PAQR3: variants seen among roughly 807,000 people sequenced by gnomAD.
PAQR3 encodes progestin and adipoQ receptor family member 3, also known as Raf kinase trapping to Golgi.
PAQR3 carries 39 observed loss-of-function variants against 41.7 expected under a neutral mutation model. The ratio of observed to expected loss-of-function variants is 0.93; its 90% CI spans 0.72 to 1.22. PAQR3 has a LOEUF of 1.22. Ranked by LOEUF, PAQR3 falls within the 50% of genes most tolerant of loss-of-function variation. The probability of loss-of-function intolerance (pLI) is 0.00; values close to 1 mark genes in which losing one functional copy is unlikely to be tolerated. For synonymous variants in PAQR3, 140 were observed against 140.6 expected (o/e 1.00, Z 0.03); for missense variants, 366 against 385.6 (o/e 0.95, Z 0.42).
intron 12 of PAQR3, among the ~76,000 whole-genome samples, chr4:78,887,894 A>G (rs1733186670): frequency 6.6e-6 from 1 of 152,206 alleles, no homozygotes; most frequent in South Asian, 2.1e-4. Flanking sequence ...TGGCAAAGGG[A>G]AATATGTTAG....
intron 1 of PAQR3, among the ~76,000 whole-genome samples, chr4:78,938,012 A>C (rs1448884311): frequency 6.6e-6 from 1 of 152,250 alleles, no homozygotes; most frequent in Non-Finnish European, 1.5e-5. Context: ...CAAGCCAAGT[A>C]GGGATGGGCA....
intron 11 of PAQR3, among the ~76,000 whole-genome samples, chr4:78,901,022 T>C (rs1338637590): frequency 6.6e-6 from 1 of 152,106 alleles, no homozygotes; most frequent in Non-Finnish European, 1.5e-5. Flanking sequence ...AGATTAACCA[T>C]TTGATATTGA....
In PAQR3 at chr4:78,931,185, T is replaced by TTAAAAA. The variant is rs35748488; in HGVS notation, c.349-861_349-860insTTTTTA. 2.1e-4 allele frequency among the ~76,000 whole-genome samples: 24 copies of TTAAAAA among 115,062 alleles called. 1 individual carries two copies. The highest frequency in any genetic ancestry group is 5.1e-5 in the Non-Finnish European group (3 of 59,318). 75.5% of individuals were successfully genotyped at this position (115,062 alleles called of 152,430 possible). The stretch of plus-strand genomic sequence containing the variant: ...GGCAACATAGGGAGACCTCATTTCT[T>TTAAAAA]AAAAAAAAAAAAAAAAAAAAAAAAA... On this transcript the variant is annotated intron_variant, in intron 2 of 5. Transcript: ENST00000512733.
intron 2 of PAQR3, 88 bp from the exon 3 acceptor site, chr4:78,930,413 G>A: frequency 7.4e-7 from 1 of 1,350,514 alleles, no homozygotes; most frequent in African/African-American, 1.5e-5. Flanking sequence ...TAAGAGGCTA[G>A]GCTTTCAATT....
At chr4:78,922,028 G>T (rs933761456) in intron 5 of PAQR3, 4 of 1,017,206 alleles carry the variant, frequency 3.9e-6, no homozygotes, top group Middle Eastern at 1.0e-3. Flanking sequence ...ACCCACTATG[G>T]TCATAATCAC....
Position 78,919,765 on chromosome 4 carries a change from T to A in PAQR3, c.*774A>T. The A allele has an allele frequency of 1.0e-6, 1 of 984,462 alleles. No homozygotes were observed. 61.0% of individuals were successfully genotyped at this position (984,462 alleles called of 1,614,324 possible). On this transcript the variant is annotated 3_prime_UTR_variant, in exon 6 of 6. Transcript: ENST00000512733. The stretch of plus-strand genomic sequence containing the variant: ...CACTCACAAGAATTCAGTTATTATA[T>A]GGAATTAAATAATATCTGGAATTAA...
chr4:78,920,516 T>C lies in PAQR3; in HGVS notation c.*23A>G. The stretch of plus-strand genomic sequence containing the variant: ...CATTATATATTGCTTAACAACTGAA[T>C]TCACCAGGTGGCCATACCTAATTCA... On this transcript the variant is annotated 3_prime_UTR_variant, in exon 6 of 6. Transcript: ENST00000512733. The C allele has an allele frequency of 6.2e-7, 1 of 1,600,792 alleles. No individual in the cohort carries two copies. Among genetic ancestry groups the C allele is most frequent in the Non-Finnish European group, 8.5e-7 (1 of 1,173,720 alleles).
chr4:78,920,718 A>G, intron 5 of PAQR3, 37 bp from the exon 6 acceptor site: 1 of 1,582,794 alleles, frequency 6.3e-7, no homozygotes, highest in Non-Finnish European at 8.6e-7. Context: ...TAATGATTTC[A>G]ATATGTTGAC....
intron 5 of PAQR3, 112 bp from the exon 6 acceptor site, chr4:78,920,793 G>A: frequency 8.8e-7 from 1 of 1,141,154 alleles, no homozygotes; most frequent in Middle Eastern, 3.1e-4. Flanking sequence ...GTCTCAGAGT[G>A]CCTAGAGACT....
chr4:78,891,183 A>C (rs894370265), intron 11 of PAQR3, among the ~76,000 whole-genome samples: 2 of 152,184 alleles, frequency 1.3e-5, no homozygotes, highest in Non-Finnish European at 2.9e-5. Context: ...ATAGTATTTT[A>C]GCTTCTCATA....
At chr4:78,922,542 C>T (rs1489000955) in intron 5 of PAQR3, 5 of 825,616 alleles carry the variant, frequency 6.1e-6, no homozygotes, top group Non-Finnish European at 7.0e-6. Flanking sequence ...ATTTCTGACC[C>T]ATGCCAAAAC....
rs763916119 is a variant in PAQR3, at chr4:78,923,928, A to C, written c.722T>G (p.Ile241Ser). The change falls in exon 5 of 6, where the codon ATT (isoleucine) becomes AGT (serine). Residue 241 changes from isoleucine to serine, a missense_variant. By Grantham distance (142) the Ile-to-Ser change is moderately radical. Coordinates refer to ENST00000512733, the MANE Select transcript of PAQR3 (RefSeq NM_001040202.2). ...AAGAAGAGCAATCATATACATCACA[A>C]TTACACGGGGTGCAAAGTCCTGAAA... ...PIVQDFAPRV[I>S]VMYMIALLAF... The C allele has an allele frequency of 3.7e-6, 6 of 1,613,052 alleles. No homozygotes were observed.
chr4:78,898,572 C>T (rs1733831287), intron 11 of PAQR3, among the ~76,000 whole-genome samples: 1 of 149,820 alleles, frequency 6.7e-6, no homozygotes, highest in Non-Finnish European at 1.5e-5. Flanking sequence ...ACTGGAAAGA[C>T]TGTAATCTTT....
At chr4:78,935,630 C>G (rs1373784964) in intron 1 of PAQR3, among the ~76,000 whole-genome samples, 1 of 152,128 alleles carries the variant, frequency 6.6e-6, no homozygotes, top group African/African-American at 2.4e-5. Flanking sequence ...GTTCACAATG[C>G]CTTGCTCAGA....
At chr4:78,924,804 C>T (rs973876346) in intron 4 of PAQR3, among the ~76,000 whole-genome samples, 2 of 151,452 alleles carry the variant, frequency 1.3e-5, no homozygotes, top group African/African-American at 2.4e-5. Flanking sequence ...CTGCTTGAGC[C>T]GAGGAGTTTG....
chr4:78,937,083 A>C (rs1490512474), intron 1 of PAQR3, among the ~76,000 whole-genome samples: 1 of 152,210 alleles, frequency 6.6e-6, no homozygotes, highest in Non-Finnish European at 1.5e-5. Context: ...ACCCTATATG[A>C]AAAACACACT....
chr4:78,911,078 C>G, downstream of PAQR3: 1 of 1,613,998 alleles, frequency 6.2e-7, no homozygotes, highest in East Asian at 2.2e-5. Context: ...CAATTATCCT[C>G]TGATGTTGCA....
chr4:78,912,172 C>T lies in PAQR3; in HGVS notation c.*8367G>A, dbSNP rs1734673455. 1.3e-6 allele frequency: 1 copy of T among 777,068 alleles called. No homozygotes were observed. The highest frequency in any genetic ancestry group is 2.1e-6 in the Non-Finnish European group (1 of 480,760). The allele number at this position is 777,068 out of a possible 1,614,324, so 48.1% of individuals were successfully genotyped here. Reference sequence around the variant, plus strand: ...CAGAATAGGTGATTTCTAAATAAACCAAATAGAAGAATGAAGTATCTCTAC... The same window carrying T: ...CAGAATAGGTGATTTCTAAATAAACTAAATAGAAGAATGAAGTATCTCTAC... On this transcript the variant is annotated 3_prime_UTR_variant, in exon 6 of 6. Coordinates refer to ENST00000512733, the MANE Select transcript of PAQR3 (RefSeq NM_001040202.2).
At chr4:78,890,487 G>T (rs1231447861) in intron 11 of PAQR3, among the ~76,000 whole-genome samples, 2 of 152,032 alleles carry the variant, frequency 1.3e-5, no homozygotes, top group African/African-American at 4.8e-5. Context: ...TCAGTGTTCA[G>T]TGTCTACATT....
Sources: gnomAD v4.1 joint callset for allele counts (sites outside exome capture counted in the v4.1 genomes callset) on GRCh38, gnomAD v4.1.1 for gene constraint, MANE v1.5 for transcripts, NCBI Gene and HGNC (gene_info 2026-07-23, HGNC 2026-07-21) for gene names.